GLIPR1L1: variants seen among roughly 807,000 people sequenced by gnomAD.
GLIPR1L1 encodes GLIPR1 like 1, also known as GLIPR1-like protein 1.
GLIPR1L1 carries 26 observed loss-of-function variants against 29.9 expected under a neutral mutation model. The observed-to-expected ratio is 0.87, with a 90% CI of 0.64 to 1.21. GLIPR1L1 has a LOEUF of 1.21. Ranked by LOEUF, GLIPR1L1 falls within the 50% of genes most tolerant of loss-of-function variation. GLIPR1L1 has a pLI of 0.00. For missense variants in GLIPR1L1, 305 were observed against 290.3 expected, an observed-to-expected ratio of 1.05 and a Z score of -0.37; for synonymous variants, 77 against 97.5, an observed-to-expected ratio of 0.79 and a Z score of 1.24.
intron 1 of GLIPR1L1, among the ~76,000 whole-genome samples, chr12:75,337,839 C>A (rs140881232): frequency 3.4e-4 from 52 of 151,878 alleles, no homozygotes; most frequent in African/African-American, 1.1e-3. Context: ...CGACTATTGT[C>A]TTCTTTGTCT....
At chr12:75,363,578 C>A (rs2043763199) in intron 4 of GLIPR1L1, among the ~76,000 whole-genome samples, 1 of 152,130 alleles carries the variant, frequency 6.6e-6, no homozygotes, top group Admixed American at 6.6e-5. Context: ...TGATTTAAAA[C>A]TAACATGTTT....
At chr12:75,362,181 T>C (rs1347014114) in intron 3 of GLIPR1L1, among the ~76,000 whole-genome samples, 1 of 152,092 alleles carries the variant, frequency 6.6e-6, no homozygotes, top group Non-Finnish European at 1.5e-5. Flanking sequence ...CAACTCAATA[T>C]AAAGAAAACT....
chr12:75,347,596 T>C, intron 2 of GLIPR1L1, 26 bp from the exon 3 acceptor site: 1 of 1,466,724 alleles, frequency 6.8e-7, no homozygotes. Flanking sequence ...TTCCATATTT[T>C]ATCTTGACAT....
At chr12:75,336,086 T>G (rs1330673787) in intron 1 of GLIPR1L1, among the ~76,000 whole-genome samples, 1 of 151,888 alleles carries the variant, frequency 6.6e-6, no homozygotes, top group Non-Finnish European at 1.5e-5. Flanking sequence ...TGAAGTGAAG[T>G]GTCAATAGAA....
chr12:75,340,690 A>G (rs1235189010), intron 1 of GLIPR1L1, among the ~76,000 whole-genome samples: 1 of 151,860 alleles, frequency 6.6e-6, no homozygotes, highest in African/African-American at 2.4e-5. Context: ...TATATTTAAG[A>G]AAGAACTCCT....
chr12:75,366,383 A>G (rs1408114168), intron 4 of GLIPR1L1, among the ~76,000 whole-genome samples: 1 of 152,172 alleles, frequency 6.6e-6, no homozygotes, highest in Non-Finnish European at 1.5e-5. Flanking sequence ...AGAAAAGAAA[A>G]TAGAGAAGTA....
intron 4 of GLIPR1L1, among the ~76,000 whole-genome samples, chr12:75,367,719 TATG>T (rs140350107): frequency 4.9e-4 from 75 of 152,306 alleles, no homozygotes; most frequent in African/African-American, 1.7e-3. Flanking sequence ...TTGGATTTTA[TATG>T]ATGACAAATC....
At chr12:75,350,748 C>T (rs537293389) in intron 3 of GLIPR1L1, among the ~76,000 whole-genome samples, 39 of 152,258 alleles carry the variant, frequency 2.6e-4, no homozygotes, top group African/African-American at 8.2e-4. Flanking sequence ...AAAGAATCAA[C>T]GCAAAAATGC....
At chr12:75,363,234 T>C in intron 4 of GLIPR1L1, 44 bp downstream of exon 4, 1 of 867,350 alleles carries the variant, frequency 1.2e-6, no homozygotes. Flanking sequence ...GAGAGTAAAG[T>C]TTCCATATAT....
intron 3 of GLIPR1L1, among the ~76,000 whole-genome samples, chr12:75,361,240 C>T (rs73364090): frequency 0.3 from 45,679 of 151,990 alleles, 7,947 homozygotes; most frequent in East Asian, 0.45. Context: ...GAAGACACCA[C>T]TCAAAGCTGG....
At chr12:75,335,870 C>T (rs2041699852) in intron 1 of GLIPR1L1, among the ~76,000 whole-genome samples, 1 of 151,822 alleles carries the variant, frequency 6.6e-6, no homozygotes, top group Admixed American at 6.6e-5. Flanking sequence ...TTCAGAAATA[C>T]TAATATTAGT....
At chr12:75,367,553 TTC>T (rs2044063208) in intron 4 of GLIPR1L1, among the ~76,000 whole-genome samples, 1 of 151,996 alleles carries the variant, frequency 6.6e-6, no homozygotes, top group African/African-American at 2.4e-5. Context: ...TCAAATTATA[TTC>T]TTTTTTGTAA....
At chr12:75,359,334 G>T (rs1428496471) in intron 3 of GLIPR1L1, among the ~76,000 whole-genome samples, 1 of 121,402 alleles carries the variant, frequency 8.2e-6, no homozygotes, top group Non-Finnish European at 1.7e-5. Flanking sequence ...TTGTTCATGA[G>T]TTAGAAGACT....
intron 3 of GLIPR1L1, among the ~76,000 whole-genome samples, chr12:75,359,202 G>T (rs147078132): frequency 9.1e-4 from 137 of 150,742 alleles, no homozygotes; most frequent in African/African-American, 3.1e-3. Context: ...ATTTATAATA[G>T]CATCAAAAAA....
chr12:75,358,787 TAAC>T (rs1406436238), intron 3 of GLIPR1L1, among the ~76,000 whole-genome samples: 3 of 143,986 alleles, frequency 2.1e-5, no homozygotes, highest in Non-Finnish European at 4.5e-5. Context: ...ATATAATATA[TAAC>T]AATATATAAT....
intron 4 of GLIPR1L1, 85 bp from the exon 5 acceptor site, chr12:75,369,875 T>C (rs1339845794): frequency 7.4e-7 from 1 of 1,345,486 alleles, no homozygotes; most frequent in Non-Finnish European, 9.6e-7. Flanking sequence ...TAGTTGATTG[T>C]CTTATTCTAA....
chr12:75,369,055 T>A (rs570068939), intron 4 of GLIPR1L1, among the ~76,000 whole-genome samples: 1 of 152,072 alleles, frequency 6.6e-6, no homozygotes, highest in Non-Finnish European at 1.5e-5. Flanking sequence ...ATATTTTAGC[T>A]TGGTTGGCTT....
intron 4 of GLIPR1L1, among the ~76,000 whole-genome samples, chr12:75,363,558 A>C (rs58040831): frequency 6.6e-6 from 1 of 152,172 alleles, no homozygotes; most frequent in African/African-American, 2.4e-5. Context: ...GTCAATGTCC[A>C]AAGTAATTAT....
intron 1 of GLIPR1L1, among the ~76,000 whole-genome samples, chr12:75,341,254 A>C (rs1460149525): frequency 2.0e-5 from 3 of 152,138 alleles, no homozygotes; most frequent in Admixed American, 1.3e-4. Flanking sequence ...TAAACATCCA[A>C]ATTTCCATCA....
Sources: allele counts gnomAD v4.1 joint callset (sites outside exome capture counted in the v4.1 genomes callset), GRCh38; gene constraint gnomAD v4.1.1; transcripts MANE v1.5; gene names NCBI Gene and HGNC (gene_info 2026-07-23, HGNC 2026-07-21).